Variants in LRMDA observed in about 807,000 individuals in gnomAD.
LRMDA encodes leucine-rich melanocyte differentiation-associated protein.
A neutral mutation model predicts 29.8 loss-of-function variants in LRMDA; 18 were observed. That is an observed-to-expected ratio of 0.60 (90% CI 0.42 to 0.90). LRMDA has a LOEUF of 0.90. Among genes scored for constraint, LRMDA ranks in the 40% least tolerant of loss-of-function variants. The pLI, the probability that LRMDA is intolerant of heterozygous loss-of-function variation, is 0.00. For missense variants in LRMDA, 273 were observed against 273.9 expected (o/e 1.00, Z 0.02); for synonymous variants, 125 against 109.4 (o/e 1.14, Z -0.89).
chr10:75,434,703 C>G (rs535354581), intron 1 of LRMDA, among the ~76,000 whole-genome samples: 1 of 152,368 alleles, frequency 6.6e-6, no homozygotes, highest in African/African-American at 2.4e-5. Context: ...CTTCCTGCCT[C>G]AGCCTCCTGA....
At chr10:76,099,696 T>C (rs978631646) in intron 5 of LRMDA, among the ~76,000 whole-genome samples, 1 of 152,202 alleles carries the variant, frequency 6.6e-6, no homozygotes, top group Non-Finnish European at 1.5e-5. Flanking sequence ...ATATTCCAGA[T>C]ATCTTTTTTG....
At chr10:75,793,428 A>G (rs10509361) in intron 2 of LRMDA, among the ~76,000 whole-genome samples, 60,635 of 152,006 alleles carry the variant, frequency 0.4, 13,775 homozygotes, top group South Asian at 0.52. Flanking sequence ...ACCCAGTAGG[A>G]CAATATTTCA....
rs143086180 is a variant in LRMDA, at chr10:75,969,921, T to G, written c.132-66087T>G. ...TATCATAGACAGTATTTGGGATATCTACTGTGTTTATCAAGGGCTCTGTAC... is the reference window on the plus strand; with the variant it reads ...TATCATAGACAGTATTTGGGATATCGACTGTGTTTATCAAGGGCTCTGTAC... On this transcript the variant is annotated intron_variant, in intron 2 of 6. Coordinates refer to ENST00000611255, the MANE Select transcript of LRMDA (RefSeq NM_001305581.2). 1.5e-3 allele frequency among the ~76,000 whole-genome samples: 221 copies of G among 152,324 alleles called. 2 individuals carry two copies. Among genetic ancestry groups the G allele is most frequent in the African/African-American group, 5.1e-3 (210 of 41,566 alleles).
At chr10:75,563,647 C>T (rs1162751286) in intron 2 of LRMDA, among the ~76,000 whole-genome samples, 5 of 152,046 alleles carry the variant, frequency 3.3e-5, no homozygotes, top group African/African-American at 1.2e-4. Context: ...TGTTTTTTCC[C>T]CATCTTTGTG....
intron 2 of LRMDA, among the ~76,000 whole-genome samples, chr10:75,544,731 A>G (rs1040471941): frequency 1.3e-5 from 2 of 152,076 alleles, no homozygotes; most frequent in Admixed American, 6.5e-5. Context: ...ATAATAAGCA[A>G]TGTTTCATTT....
chr10:75,800,329 T>A (rs1843726443), intron 2 of LRMDA, among the ~76,000 whole-genome samples: 2 of 152,316 alleles, frequency 1.3e-5, no homozygotes, highest in South Asian at 4.1e-4. Context: ...CATATATATA[T>A]ATTTTATCCT....
At chr10:76,031,450 T>C (rs1479652265) in intron 2 of LRMDA, among the ~76,000 whole-genome samples, 1 of 152,122 alleles carries the variant, frequency 6.6e-6, no homozygotes, top group Non-Finnish European at 1.5e-5. Context: ...TTGGATTTAT[T>C]GGCCGTTTTT....
chr10:76,330,974 C>T (rs1444341136), intron 6 of LRMDA, among the ~76,000 whole-genome samples: 1 of 152,096 alleles, frequency 6.6e-6, no homozygotes, highest in Non-Finnish European at 1.5e-5. Context: ...TATCACTGAC[C>T]ATTTATAAAC....
intron 2 of LRMDA, among the ~76,000 whole-genome samples, chr10:75,591,022 A>G (rs1840718688): frequency 6.6e-6 from 1 of 152,078 alleles, no homozygotes; most frequent in Non-Finnish European, 1.5e-5. Flanking sequence ...GATTACAGGC[A>G]TGAGCCACCG....
At chr10:76,151,101 C>T (rs1850433158) in intron 5 of LRMDA, among the ~76,000 whole-genome samples, 1 of 152,166 alleles carries the variant, frequency 6.6e-6, no homozygotes, top group South Asian at 2.1e-4. Flanking sequence ...GTGGCAGCTT[C>T]AGACGTAGGG....
At chr10:75,805,361 A>G (rs1194648367) in intron 2 of LRMDA, among the ~76,000 whole-genome samples, 1 of 152,184 alleles carries the variant, frequency 6.6e-6, no homozygotes. Flanking sequence ...CTGATCTAAG[A>G]TGTGGAGCCT....
intron 5 of LRMDA, among the ~76,000 whole-genome samples, chr10:76,139,623 C>T (rs1435583746): frequency 6.6e-6 from 1 of 152,118 alleles, no homozygotes; most frequent in Non-Finnish European, 1.5e-5. Context: ...AAAAATACTG[C>T]GTATCCCCTT....
At chr10:76,311,855 A>G (rs955932672) in intron 5 of LRMDA, among the ~76,000 whole-genome samples, 1 of 152,210 alleles carries the variant, frequency 6.6e-6, no homozygotes, top group African/African-American at 2.4e-5. Context: ...GCAGGGCAAG[A>G]TGACCAGGTC....
In LRMDA at chr10:76,229,399, C is replaced by A. The variant is rs118166128; in HGVS notation, c.517-95002C>A. ...ATGATGTTTAGGAGAGAAGAATGGG[C>A]ATCAAGAACAGATGATGTCCTGGGA... On this transcript the variant is annotated intron_variant, in intron 5 of 6. Transcript: ENST00000611255. Among the ~76,000 whole-genome samples, 176 of 152,300 alleles carry A rather than the reference C, an allele frequency of 1.2e-3. 5 individuals are homozygous for A. The East Asian group carries it at 0.033, about 28-fold the overall frequency.
intron 2 of LRMDA, among the ~76,000 whole-genome samples, chr10:75,519,642 A>T (rs1845332682): frequency 6.6e-6 from 1 of 152,166 alleles, no homozygotes; most frequent in African/African-American, 2.4e-5. Flanking sequence ...CCAATTTGCC[A>T]GTCTGTGTCT....
intron 2 of LRMDA, among the ~76,000 whole-genome samples, chr10:75,546,802 T>C (rs951372546): frequency 5.9e-5 from 9 of 152,222 alleles, no homozygotes; most frequent in Admixed American, 2.0e-4. Context: ...TAAGTGGCTA[T>C]TCAGATTATG....
chr10:75,813,216 G>A (rs980544410), intron 2 of LRMDA, among the ~76,000 whole-genome samples: 1 of 152,218 alleles, frequency 6.6e-6, no homozygotes, highest in East Asian at 1.9e-4. Context: ...TGCACACTGG[G>A]AAGATTGCAG....
intron 2 of LRMDA, among the ~76,000 whole-genome samples, chr10:75,462,712 AT>A (rs1324416295): frequency 6.6e-6 from 1 of 152,200 alleles, no homozygotes; most frequent in Non-Finnish European, 1.5e-5. Context: ...TGCTGGTATA[AT>A]TAGCTTTATA....
At chr10:75,955,747 T>C (rs1410966532) in intron 2 of LRMDA, among the ~76,000 whole-genome samples, 2 of 152,216 alleles carry the variant, frequency 1.3e-5, no homozygotes, top group Middle Eastern at 3.2e-3. Context: ...ATTTCTGGTA[T>C]ACATTTGTTC....
Sources: gnomAD v4.1 joint callset for allele counts (sites outside exome capture counted in the v4.1 genomes callset) on GRCh38, gnomAD v4.1.1 for gene constraint, MANE v1.5 for transcripts, NCBI Gene and HGNC (gene_info 2026-07-23, HGNC 2026-07-21) for gene names.